Variants in TTI1 observed in about 807,000 individuals in gnomAD.
TTI1 encodes the protein TELO2-interacting protein 1 homolog.
In TTI1, 52 loss-of-function variants were observed where a neutral mutation model predicts 85.4. The observed-to-expected ratio is 0.61, with a 90% CI of 0.49 to 0.77. TTI1 has a LOEUF of 0.77. TTI1 is among the 30% of genes least tolerant of loss of function. The pLI, the probability that TTI1 is intolerant of heterozygous loss-of-function variation, is 0.00. For synonymous variants in TTI1, 512 were observed against 503.9 expected (o/e 1.02, Z -0.22); for missense variants, 1,173 against 1,296.0 (o/e 0.91, Z 1.46).
At chr20:37,983,755 T>A in intron 7 of TTI1, 116 bp from the exon 8 acceptor site, 1 of 1,006,348 alleles carries the variant, frequency 9.9e-7, no homozygotes, top group Non-Finnish European at 1.3e-6. Context: ...GATAACAATA[T>A]CAAGTCACTT....
intron 1 of TTI1, among the ~76,000 whole-genome samples, chr20:38,028,667 A>G (rs892022300): frequency 6.6e-6 from 1 of 152,192 alleles, no homozygotes; most frequent in Non-Finnish European, 1.5e-5. Context: ...TGACATTTAT[A>G]GAACACTCCA....
intron 1 of TTI1, among the ~76,000 whole-genome samples, chr20:38,019,471 T>A (rs911999907): frequency 1.3e-5 from 2 of 152,134 alleles, no homozygotes; most frequent in African/African-American, 2.4e-5. Context: ...GATAAAATAA[T>A]CTGTATTAGA....
intron 1 of TTI1, among the ~76,000 whole-genome samples, chr20:38,023,063 T>C (rs1368966385): frequency 2.0e-5 from 3 of 152,200 alleles, no homozygotes; most frequent in Non-Finnish European, 4.4e-5. Context: ...CCAATACAAG[T>C]TCTTGAATAG....
intron 6 of TTI1, 35 bp downstream of exon 6, chr20:37,996,714 G>A (rs1363684488): frequency 1.3e-6 from 2 of 1,577,148 alleles, no homozygotes; most frequent in Admixed American, 3.4e-5. Flanking sequence ...CAGATGCTAA[G>A]TGTGTGTGTT....
chr20:38,006,058 C>T lies in TTI1; in HGVS notation c.2503+139G>A, dbSNP rs2073493078. ...AAGAATGGAAAAAGATTACACAAAA[C>T]AGGAGAATAGCTATGTTAGCCTGGT... On this transcript the variant is annotated intron_variant, in intron 3 of 7. Coordinates refer to ENST00000373447, the MANE Select transcript of TTI1 (RefSeq NM_001303457.2). 3.3e-5 allele frequency: 32 copies of T among 959,502 alleles called. No homozygotes were observed. In the South Asian group the frequency reaches 4.2e-4, roughly 13 times the overall value. 59.4% of individuals were successfully genotyped at this position (959,502 alleles called of 1,614,324 possible).
chr20:37,995,183 T>C (rs1384944811), intron 7 of TTI1, among the ~76,000 whole-genome samples: 5 of 152,184 alleles, frequency 3.3e-5, no homozygotes, highest in African/African-American at 1.2e-4. Flanking sequence ...GATGCGCCCC[T>C]GTGCTCATGA....
intron 2 of TTI1, among the ~76,000 whole-genome samples, chr20:38,010,975 C>T (rs540174106): frequency 2.0e-5 from 3 of 152,292 alleles, no homozygotes; most frequent in African/African-American, 7.2e-5. Flanking sequence ...CTCAGGTGCA[C>T]GAACCACATG....
chr20:37,990,602 C>A (rs1361975491), intron 7 of TTI1, among the ~76,000 whole-genome samples: 1 of 152,188 alleles, frequency 6.6e-6, no homozygotes, highest in Admixed American at 6.5e-5. Flanking sequence ...AAATAGAGAT[C>A]ATCTCCCTGG....
intron 1 of TTI1, among the ~76,000 whole-genome samples, chr20:38,016,152 A>C (rs1408411321): frequency 6.6e-6 from 1 of 152,234 alleles, no homozygotes; most frequent in East Asian, 1.9e-4. Flanking sequence ...GTGGCCCCCA[A>C]ATGCCACTGA....
chr20:37,986,442 G>C (rs1020385966), intron 7 of TTI1, among the ~76,000 whole-genome samples: 2 of 152,204 alleles, frequency 1.3e-5, no homozygotes, highest in African/African-American at 4.8e-5. Flanking sequence ...GAAAAGCAAA[G>C]GAAAAACTTG....
At chr20:37,995,196 C>T (rs1184659765) in intron 7 of TTI1, among the ~76,000 whole-genome samples, 1 of 152,172 alleles carries the variant, frequency 6.6e-6, no homozygotes, top group Non-Finnish European at 1.5e-5. Flanking sequence ...GCTCATGAAA[C>T]TATGACTGAT....
chr20:38,011,965 A>G lies in TTI1; in HGVS notation c.1852T>C (p.Cys618Arg). Residue 618 changes from cysteine to arginine, a missense_variant, in exon 2 of 8, where the codon TGC becomes CGC. Physicochemically the swap from Cys to Arg is radical, Grantham distance 180 (BLOSUM62 -3). Transcript: ENST00000373447. ...TGCCAGATGTTACTGTTCATGGAGC[A>G]AATAGTGGGACTTGGCTTTGAGAAG... ...LAFSKPSPTI[C>R]SMNSNIWQIC... 6.2e-7 allele frequency: 1 copy of G among 1,614,258 alleles called. No individual in the cohort carries two copies. The highest frequency in any genetic ancestry group is 1.1e-5 in the South Asian group (1 of 91,090).
At chr20:38,003,805 G>C (rs1600625640) in intron 3 of TTI1, among the ~76,000 whole-genome samples, 1 of 151,474 alleles carries the variant, frequency 6.6e-6, no homozygotes, top group East Asian at 1.9e-4. Context: ...GAGGAGCCTT[G>C]AAGCTGGGAA....
rs1255570069 is a variant in TTI1 at position 38,012,611 on chromosome 20, G to C, written c.1206C>G (p.Ser402=). The C allele has an allele frequency of 7.4e-6, 12 of 1,614,092 alleles. No individual in the cohort carries two copies. The highest frequency in any genetic ancestry group is 1.0e-5 in the Non-Finnish European group (12 of 1,180,056). The change falls in exon 2 of 8, where the codon TCC becomes TCG. Residue 402 remains serine (S), a synonymous_variant. Transcript: ENST00000373447. ...AGAGTTTCAGATAACCAAGTAACAA[G>C]GAAAGAGTAGAGAATTTGCCCTGGT... is the stretch of plus-strand genomic sequence containing the variant. The part of the protein sequence containing the change: ...QDDQGKFSTL[S]LLLGYLKLLG...
chr20:38,013,949 G>A, intron 1 of TTI1, 92 bp from the exon 2 acceptor site: 3 of 1,360,088 alleles, frequency 2.2e-6, no homozygotes, highest in Non-Finnish European at 9.8e-7. Flanking sequence ...ATTTACCTGG[G>A]GTCTATGTGC....
chr20:37,985,686 C>T (rs58374513), intron 7 of TTI1, among the ~76,000 whole-genome samples: 1,830 of 152,146 alleles, frequency 0.012, 33 homozygotes, highest in African/African-American at 0.042. Context: ...CATCACCATG[C>T]CCGGCTAATT....
In TTI1 at chr20:38,011,647, G is replaced by C. The variant is rs537208197; in HGVS notation, c.2170C>G (p.Arg724Gly). The C allele has an allele frequency of 1.8e-5, 29 of 1,614,218 alleles. 1 individual carries two copies. In the South Asian group the frequency reaches 2.6e-4, roughly 15 times the overall value. Residue 724 changes from arginine (R) to glycine (G), a missense_variant, in exon 2 of 8, where the codon CGG becomes GGG. Physicochemically the swap from Arg to Gly is moderately radical, Grantham distance 125. Transcript: ENST00000373447. ...HTPKVLEVML[R>G]NSDANLLPLV... Reference sequence around the variant, plus strand: ...GGAAGCAGGTTAGCATCTGAGTTCCGCAGCATGACTTCCAGGACCTTTGGG... The same window carrying C: ...GGAAGCAGGTTAGCATCTGAGTTCCCCAGCATGACTTCCAGGACCTTTGGG...
At chr20:38,025,093 G>C (rs1415537449) in intron 1 of TTI1, among the ~76,000 whole-genome samples, 3 of 152,154 alleles carry the variant, frequency 2.0e-5, no homozygotes, top group African/African-American at 7.2e-5. Flanking sequence ...GCAGTGATGA[G>C]GTACGGACCC....
At chr20:38,017,404 TTGTG>T (rs66542554) in intron 1 of TTI1, among the ~76,000 whole-genome samples, 2,444 of 146,202 alleles carry the variant, frequency 0.017, 33 homozygotes, top group Middle Eastern at 0.084. Context: ...AATCAATAGC[TTGTG>T]TGTGTGTGTG....
Sources: allele counts gnomAD v4.1 joint callset (sites outside exome capture counted in the v4.1 genomes callset), GRCh38; gene constraint gnomAD v4.1.1; transcripts MANE v1.5; gene names NCBI Gene and HGNC (gene_info 2026-07-23, HGNC 2026-07-21).